The following ANXA10 variants were observed in gnomAD, a reference collection of about 807,000 sequenced individuals.
ANXA10 encodes the protein annexin A10.
Under a neutral mutation model 53.5 loss-of-function variants are expected in ANXA10, and 49 were observed. The ratio of observed to expected loss-of-function variants is 0.92; its 90% CI spans 0.73 to 1.16. The LOEUF (loss-of-function observed/expected upper bound fraction) is 1.16. Ranked by LOEUF, ANXA10 falls within the 50% of genes most tolerant of loss-of-function variation. The pLI, the probability that ANXA10 is intolerant of heterozygous loss-of-function variation, is 0.00. For missense variants in ANXA10, 393 were observed against 394.4 expected, an observed-to-expected ratio of 1.00 and a Z score of 0.03; for synonymous variants, 131 against 128.9, an observed-to-expected ratio of 1.02 and a Z score of -0.11.
intron 1 of ANXA10, among the ~76,000 whole-genome samples, chr4:168,104,816 TTTTTAA>T (rs1464773991): frequency 3.3e-5 from 5 of 151,528 alleles, no homozygotes; most frequent in Non-Finnish European, 4.4e-5. Flanking sequence ...TATTTTTCTC[TTTTTAA>T]TTTTATTGAT....
chr4:168,181,787 G>T, intron 10 of ANXA10, 46 bp downstream of exon 10: 1 of 1,327,594 alleles, frequency 7.5e-7, no homozygotes, highest in Non-Finnish European at 1.1e-6. Context: ...AATTGTGTCT[G>T]TTTTCTCAAA....
intron 1 of ANXA10, among the ~76,000 whole-genome samples, chr4:168,125,303 C>A (rs559148409): frequency 1.3e-5 from 2 of 152,284 alleles, no homozygotes; most frequent in African/African-American, 4.8e-5. Context: ...CTCTTAAAGT[C>A]TTTAATTAAC....
intron 3 of ANXA10, among the ~76,000 whole-genome samples, chr4:168,151,537 A>G (rs1008500995): frequency 2.6e-5 from 4 of 152,238 alleles, no homozygotes; most frequent in African/African-American, 9.6e-5. Context: ...TGATTCCAGC[A>G]GAGTCTGCTT....
At chr4:168,180,636 T>C (rs997416385) in intron 9 of ANXA10, among the ~76,000 whole-genome samples, 1 of 152,188 alleles carries the variant, frequency 6.6e-6, no homozygotes, top group Non-Finnish European at 1.5e-5. Flanking sequence ...TCAAGAGTGA[T>C]TATGAAGATT....
chr4:168,130,656 G>A (rs1368273472), intron 2 of ANXA10, among the ~76,000 whole-genome samples: 1 of 151,764 alleles, frequency 6.6e-6, no homozygotes, highest in African/African-American at 2.4e-5. Context: ...GATAGATATG[G>A]GCCCATTCAG....
At chr4:168,127,794 T>C (rs1731092483) in intron 1 of ANXA10, 2 of 549,292 alleles carry the variant, frequency 3.6e-6, no homozygotes, top group Non-Finnish European at 6.6e-6. Flanking sequence ...CATTTTCATT[T>C]GTCTGGAAAA....
chr4:168,092,728 A>ATGCTTATTTCTGTAAAGCTT lies in ANXA10; in HGVS notation c.18+12_18+31dup, dbSNP rs755687956. 2 of 1,570,430 alleles carry ATGCTTATTTCTGTAAAGCTT rather than the reference A, an allele frequency of 1.3e-6. No homozygotes were observed. Among genetic ancestry groups the ATGCTTATTTCTGTAAAGCTT allele is most frequent in the Non-Finnish European group, 1.7e-6 (2 of 1,160,424 alleles). On this transcript the variant is annotated intron_variant, in intron 1 of 11. Coordinates refer to ENST00000359299, the MANE Select transcript of ANXA10 (RefSeq NM_007193.5). ...GTTTTGTGGAGACTATGTGAGTATA[A>ATGCTTATTTCTGTAAAGCTT]TGCTTATTTCTGTAAAGCTTTTCAC...
At chr4:168,104,129 T>C (rs1267029750) in intron 1 of ANXA10, among the ~76,000 whole-genome samples, 1 of 151,958 alleles carries the variant, frequency 6.6e-6, no homozygotes, top group Admixed American at 6.6e-5. Context: ...TTGTCAAGTG[T>C]TTTTTCTGCA....
At chr4:168,145,726 G>T (rs1731395910) in intron 3 of ANXA10, among the ~76,000 whole-genome samples, 1 of 152,260 alleles carries the variant, frequency 6.6e-6, no homozygotes, top group African/African-American at 2.4e-5. Context: ...CATTTTCCAA[G>T]AAATTGAAAG....
Position 168,164,253 on chromosome 4 carries a change from G to A in ANXA10, c.365G>A (p.Gly122Glu). 6.2e-7 allele frequency: 1 copy of A among 1,613,244 alleles called. No individual in the cohort carries two copies. The highest frequency in any genetic ancestry group is 8.5e-7 in the Non-Finnish European group (1 of 1,179,452). The change falls in exon 5 of 12, where the codon GGA (glycine) becomes GAA (glutamate). Residue 122 changes from glycine (G) to glutamate (E), a missense_variant. Gly to Glu is a moderately conservative substitution (Grantham distance 98). Coordinates refer to ENST00000359299, the MANE Select transcript of ANXA10 (RefSeq NM_007193.5). ...GAAATACTAGCTTCAAGAACAAATG[G>A]AGAAATTTTCCAGATGCGAGAAGCC... ...LIEILASRTN[G>E]EIFQMREAYC...
At chr4:168,143,224 C>A (rs1250976231) in intron 3 of ANXA10, among the ~76,000 whole-genome samples, 1 of 152,182 alleles carries the variant, frequency 6.6e-6, no homozygotes, top group East Asian at 1.9e-4. Flanking sequence ...CTACTTCTTC[C>A]ACCTGGCCAA....
At chr4:168,137,003 T>C (rs1005411572) in intron 2 of ANXA10, among the ~76,000 whole-genome samples, 2 of 152,186 alleles carry the variant, frequency 1.3e-5, no homozygotes, top group African/African-American at 4.8e-5. Flanking sequence ...CTTGGCAATT[T>C]TCAGCTTGCA....
At chr4:168,179,547 G>T (rs1485672519) in intron 9 of ANXA10, among the ~76,000 whole-genome samples, 1 of 152,118 alleles carries the variant, frequency 6.6e-6, no homozygotes, top group Admixed American at 6.5e-5. Context: ...CTAACAGCTA[G>T]TTCAACTTTC....
rs191835692 is a variant in ANXA10 at position 168,157,555 on chromosome 4, C to T, written c.196-4973C>T. Among the ~76,000 whole-genome samples the T allele has an allele frequency of 1.6e-3, 251 of 152,302 alleles. 3 individuals are homozygous for T. The highest frequency in any genetic ancestry group is 3.4e-3 in the Middle Eastern group (1 of 294). ...TTGGGATTACAGGCGTAAGCCACCA[C>T]GCCCGGCCAGTATAGAGCATTTCTA... On this transcript the variant is annotated intron_variant, in intron 3 of 11. Transcript: ENST00000359299.
chr4:168,121,670 TG>T (rs1424149181), intron 1 of ANXA10, among the ~76,000 whole-genome samples: 2 of 152,172 alleles, frequency 1.3e-5, no homozygotes, highest in Non-Finnish European at 2.9e-5. Flanking sequence ...CAAGTTTCAT[TG>T]TTTTAGAATA....
chr4:168,156,171 T>TTATATATTA (rs1553957739), intron 3 of ANXA10, among the ~76,000 whole-genome samples: 2 of 31,238 alleles, frequency 6.4e-5, no homozygotes, highest in African/African-American at 2.9e-4. Flanking sequence ...ATTATATATA[T>TTATATATTA]TATATTATAT....
chr4:168,114,306 C>T (rs1730855913), intron 1 of ANXA10, among the ~76,000 whole-genome samples: 1 of 152,008 alleles, frequency 6.6e-6, no homozygotes, highest in African/African-American at 2.4e-5. Context: ...CAGAGTCTTG[C>T]TCTGTTGCCC....
At chr4:168,179,862 A>G (rs1174795736) in intron 9 of ANXA10, among the ~76,000 whole-genome samples, 4 of 152,234 alleles carry the variant, frequency 2.6e-5, no homozygotes, top group Admixed American at 1.3e-4. Flanking sequence ...CATAGAGGAC[A>G]AAACGGGGCG....
rs1189311438 is a variant in ANXA10 at position 168,139,529 on chromosome 4, CA to C, written c.146del (p.Asn49MetfsTer5). 1 of 1,613,096 alleles carries C rather than the reference CA, an allele frequency of 6.2e-7. No individual in the cohort carries two copies. The highest frequency in any genetic ancestry group is 8.5e-7 in the Non-Finnish European group (1 of 1,179,332). On this transcript the variant is annotated frameshift_variant, in exon 3 of 12. Transcript: ENST00000359299. LOFTEE classifies it high-confidence loss of function. ...MLINILTQRCNAQRMMIAEAY... is the reference protein window; with the variant it reads ...MLINILTQRCXAQRMMIAEAY... ...TGATCAACATTCTGACTCAGCGCTG[CA>C]ATGCACAAAGGATGATGATTGCAGA...
Sources: allele counts gnomAD v4.1 joint callset (sites outside exome capture counted in the v4.1 genomes callset), GRCh38; gene constraint gnomAD v4.1.1; transcripts MANE v1.5; gene names NCBI Gene and HGNC (gene_info 2026-07-23, HGNC 2026-07-21).